The following CD58 variants were observed in gnomAD, a reference collection of about 807,000 sequenced individuals.
The protein encoded by CD58 is CD58 molecule, also known as lymphocyte function-associated antigen 3.
CD58 carries 14 observed loss-of-function variants against 27.6 expected under a neutral mutation model. That is an observed-to-expected ratio of 0.51 (90% CI 0.34 to 0.79). CD58 has a LOEUF of 0.79. CD58 is among the 30% of genes least tolerant of loss of function. The pLI is 0.02. For synonymous variants in CD58, 117 were observed against 103.8 expected, an observed-to-expected ratio of 1.13 and a Z score of -0.77; for missense variants, 268 against 301.7, an observed-to-expected ratio of 0.89 and a Z score of 0.83.
chr1:116,543,707 G>A (rs1658066033), intron 2 of CD58, among the ~76,000 whole-genome samples: 1 of 152,026 alleles, frequency 6.6e-6, no homozygotes, highest in South Asian at 2.1e-4. Flanking sequence ...TGGATCACCT[G>A]AGCTCAGGAG....
At chr1:116,542,588 C>T (rs563082765) in intron 2 of CD58, among the ~76,000 whole-genome samples, 5 of 152,220 alleles carry the variant, frequency 3.3e-5, no homozygotes, top group Non-Finnish European at 5.9e-5. Context: ...TGGAGGGGTA[C>T]AGGGATCATG....
chr1:116,533,171 A>G, intron 3 of CD58: 1 of 753,424 alleles, frequency 1.3e-6, no homozygotes, highest in Non-Finnish European at 2.5e-6. Context: ...CAGAATCTTT[A>G]TCCAGTGATT....
At position 116,550,039 on chromosome 1, in the gene CD58, A is replaced by C. The variant is rs1658339973; in HGVS notation, c.71-5435T>G. ...AAATACTTTATTGCTGAAAAAAAAA[A>C]CATGCTAACAATCATTTGAGCCTTC... On this transcript the variant is annotated intron_variant, in intron 1 of 5. Transcript: ENST00000369489. The surrounding 1 kb of genome is among the most constrained non-coding windows in gnomAD (Gnocchi z 4.2). Among the ~76,000 whole-genome samples, 1 of 152,146 alleles carries C rather than the reference A, an allele frequency of 6.6e-6. No homozygotes were observed. The highest frequency in any genetic ancestry group is 2.4e-5 in the African/African-American group (1 of 41,422).
intron 1 of CD58, chr1:116,560,219 C>G (rs1313023845): frequency 6.6e-6 from 1 of 152,096 alleles, no homozygotes; most frequent in Non-Finnish European, 1.5e-5. Context: ...CTTCTTTAGC[C>G]TGTTGTTTCA....
chr1:116,561,694 G>A (rs771268677), intron 1 of CD58, among the ~76,000 whole-genome samples: 1 of 152,160 alleles, frequency 6.6e-6, no homozygotes, highest in Non-Finnish European at 1.5e-5. Context: ...GTGGATCTCA[G>A]GCTAGGGATA....
chr1:116,555,431 T>G (rs1006709705), intron 1 of CD58, among the ~76,000 whole-genome samples: 2 of 152,156 alleles, frequency 1.3e-5, no homozygotes, highest in Non-Finnish European at 2.9e-5. Context: ...GAACTGGGCA[T>G]GGGGTGAGTT....
chr1:116,519,206 A>G lies in CD58; in HGVS notation c.743+25T>C. On this transcript the variant is annotated intron_variant, in intron 5 of 5. Coordinates refer to ENST00000369489, the MANE Select transcript of CD58 (RefSeq NM_001779.3). The surrounding 1 kb of genome is among the most constrained non-coding windows in gnomAD (Gnocchi z 4.7). ...CAGGGCTGCTGTTGTTCTGGCACAGAGTGCACAGCCTGCAGTGTACTTACT... is the reference window on the plus strand; with the variant it reads ...CAGGGCTGCTGTTGTTCTGGCACAGGGTGCACAGCCTGCAGTGTACTTACT... 3 of 1,612,276 alleles carry G rather than the reference A, an allele frequency of 1.9e-6. No individual in the cohort carries two copies. The highest frequency in any genetic ancestry group is 2.5e-6 in the Non-Finnish European group (3 of 1,179,106).
At chr1:116,551,232 T>C (rs1658379277) in intron 1 of CD58, among the ~76,000 whole-genome samples, 1 of 152,248 alleles carries the variant, frequency 6.6e-6, no homozygotes, top group East Asian at 1.9e-4. Flanking sequence ...GCTATGGAAG[T>C]CCTAGATGGC....
chr1:116,554,245 AT>A (rs552713085), intron 1 of CD58, among the ~76,000 whole-genome samples: 335 of 152,324 alleles, frequency 2.2e-3, no homozygotes, highest in African/African-American at 7.8e-3. Context: ...TAGTTAAACA[AT>A]TTAGTATTAT....
chr1:116,554,655 G>T (rs1416550299), intron 1 of CD58, among the ~76,000 whole-genome samples: 1 of 152,046 alleles, frequency 6.6e-6, no homozygotes, highest in Non-Finnish European at 1.5e-5. Flanking sequence ...AGTAACCACG[G>T]TTACTTTAGA....
intron 1 of CD58, among the ~76,000 whole-genome samples, chr1:116,562,139 T>C (rs1172486419): frequency 6.6e-6 from 1 of 152,134 alleles, no homozygotes; most frequent in Non-Finnish European, 1.5e-5. Context: ...TCATCTAATG[T>C]TCAGATTCAA....
At chr1:116,568,794 G>C (rs1292835472) in intron 1 of CD58, among the ~76,000 whole-genome samples, 1 of 152,222 alleles carries the variant, frequency 6.6e-6, no homozygotes, top group Non-Finnish European at 1.5e-5. Context: ...AGAAGTTAGG[G>C]AACTCACACA....
At position 116,546,506 on chromosome 1, in the gene CD58, GA is replaced by G. The variant is rs1230232463; in HGVS notation, c.71-1903del. Among the ~76,000 whole-genome samples, 6 of 152,174 alleles carry G rather than the reference GA, an allele frequency of 3.9e-5. No homozygotes were observed. Among genetic ancestry groups the G allele is most frequent in the African/African-American group, 1.4e-4 (6 of 41,436 alleles). ...GTGGGAAGGCACAAGAAAAAGTACA[GA>G]ATTCAAGGGGTGAGAGTCTACCACA... On this transcript the variant is annotated intron_variant, in intron 1 of 5. Transcript: ENST00000369489. This position sits in a 1 kb window ranked among gnomAD's most constrained non-coding sequence, Gnocchi z 4.1.
At position 116,527,178 on chromosome 1, in the gene CD58, G is replaced by C. The variant is rs767729185; in HGVS notation, c.629-5195C>G. On this transcript the variant is annotated intron_variant, in intron 3 of 5. Coordinates refer to ENST00000369489, the MANE Select transcript of CD58 (RefSeq NM_001779.3). This position sits in a 1 kb window ranked among gnomAD's most constrained non-coding sequence, Gnocchi z 4.4. The stretch of plus-strand genomic sequence containing the variant: ...TGTATAACTTTTATTTCCTTTTCTT[G>C]TCTTATGGCATTAGTTAGTGCTTAT... Among the ~76,000 whole-genome samples, 9 of 151,860 alleles carry C rather than the reference G, an allele frequency of 5.9e-5. No homozygotes were observed. The highest frequency in any genetic ancestry group is 1.2e-4 in the Non-Finnish European group (8 of 67,940).
chr1:116,515,723 G>T lies in CD58; in HGVS notation c.744-901C>A, dbSNP rs1430979014. 1.3e-5 allele frequency among the ~76,000 whole-genome samples: 2 copies of T among 152,060 alleles called. No individual in the cohort carries two copies. Among genetic ancestry groups the T allele is most frequent in the Non-Finnish European group, 2.9e-5 (2 of 68,000 alleles). On this transcript the variant is annotated intron_variant, in intron 5 of 5. Transcript: ENST00000369489. This position sits in a 1 kb window ranked among gnomAD's most constrained non-coding sequence, Gnocchi z 4.6. ...ATCCCACCTGTAAATCTTTCTTCTC[G>T]GAGAAATAGGACTCCCTGCTTCCTT...
rs1270640589 is a variant in CD58, at chr1:116,559,820, C to T, written c.70+11083G>A. Reference sequence around the variant, plus strand: ...TTTTAATTCTTGTTCTTGCACTTAACCTATTTCTTCTTTCTCAAGATGTTT... The same window carrying T: ...TTTTAATTCTTGTTCTTGCACTTAATCTATTTCTTCTTTCTCAAGATGTTT... On this transcript the variant is annotated intron_variant, in intron 1 of 5. Coordinates refer to ENST00000369489, the MANE Select transcript of CD58 (RefSeq NM_001779.3). The surrounding 1 kb of genome is among the most constrained non-coding windows in gnomAD (Gnocchi z 4.4). 6.6e-6 allele frequency among the ~76,000 whole-genome samples: 1 copy of T among 152,124 alleles called. No homozygotes were observed. Among genetic ancestry groups the T allele is most frequent in the African/African-American group, 2.4e-5 (1 of 41,410 alleles).
chr1:116,568,811 T>C (rs1314426209), intron 1 of CD58, among the ~76,000 whole-genome samples: 1 of 152,238 alleles, frequency 6.6e-6, no homozygotes, highest in Non-Finnish European at 1.5e-5. Context: ...CACAAGTTCA[T>C]GACTCAGGTG....
intron 1 of CD58, among the ~76,000 whole-genome samples, chr1:116,566,152 C>G (rs1658924574): frequency 6.6e-6 from 1 of 152,092 alleles, no homozygotes; most frequent in African/African-American, 2.4e-5. Context: ...AAGTTGGAGA[C>G]TGTAATGAAA....
At chr1:116,545,783 A>C (rs1658147948) in intron 1 of CD58, among the ~76,000 whole-genome samples, 1 of 152,054 alleles carries the variant, frequency 6.6e-6, no homozygotes. Flanking sequence ...CTCCATACCA[A>C]CCTAGTTGTT....
Sources: gnomAD v4.1 joint callset for allele counts (sites outside exome capture counted in the v4.1 genomes callset) on GRCh38, gnomAD v4.1.1 for gene constraint, Gnocchi (gnomAD v3.1) non-coding constraint, MANE v1.5 for transcripts, NCBI Gene and HGNC (gene_info 2026-07-23, HGNC 2026-07-21) for gene names.